THBS2: variants seen among roughly 807,000 people sequenced by gnomAD.
The protein encoded by THBS2 is thrombospondin-2.
Under a neutral mutation model 135.2 loss-of-function variants are expected in THBS2, and 47 were observed. That is an observed-to-expected ratio of 0.35 (90% CI 0.28 to 0.44). The LOEUF is 0.44. Among genes scored for constraint, THBS2 ranks in the 20% least tolerant of loss-of-function variants. The pLI, the probability that THBS2 is intolerant of heterozygous loss-of-function variation, is 1.00. For missense variants in THBS2, 1,288 were observed against 1,603.1 expected, an observed-to-expected ratio of 0.80 and a Z score of 3.36; for synonymous variants, 639 against 633.8, an observed-to-expected ratio of 1.01 and a Z score of -0.12.
Position 169,228,106 on chromosome 6 carries a change from G to C in THBS2, c.2419+16C>G. Reference sequence around the variant, plus strand: ...AAAAAAAAAGTGCACGCATGGGAAGGAGCAGAAGCACCCACCGTCCCCATC... The same window carrying C: ...AAAAAAAAAGTGCACGCATGGGAAGCAGCAGAAGCACCCACCGTCCCCATC... On this transcript the variant is annotated intron_variant, in intron 15 of 21. Transcript: ENST00000617924. The C allele has an allele frequency of 6.2e-7, 1 of 1,600,136 alleles. No homozygotes were observed. Among genetic ancestry groups the C allele is most frequent in the Non-Finnish European group, 8.5e-7 (1 of 1,175,096 alleles).
At chr6:169,222,602 C>T (rs752485087) in intron 18 of THBS2, 134 bp from the exon 19 acceptor site, 196 of 969,102 alleles carry the variant, frequency 2.0e-4, no homozygotes, top group Non-Finnish European at 2.8e-4. Flanking sequence ...CGAGACTGGT[C>T]TGACCAATAT....
intron 10 of THBS2, 96 bp downstream of exon 10, chr6:169,234,638 T>C: frequency 7.9e-7 from 1 of 1,262,368 alleles, no homozygotes; most frequent in Non-Finnish European, 1.1e-6. Context: ...TTGATTTTTC[T>C]TTTCTGTGTT....
rs1780251465 is a variant in THBS2, at chr6:169,240,513, C to T, written c.971G>A (p.Gly324Asp). 2 of 1,613,906 alleles carry T rather than the reference C, an allele frequency of 1.2e-6. No individual in the cohort carries two copies. The highest frequency in any genetic ancestry group is 2.2e-5 in the East Asian group (1 of 44,892). Residue 324 changes from glycine to aspartate, a missense_variant, in exon 6 of 22, where the codon GGC becomes GAC. Physicochemically the swap from Gly to Asp is moderately conservative, Grantham distance 94. Transcript: ENST00000617924. ...TRNMSACWQD[G>D]RFFAENETWV... Reference sequence around the variant, plus strand: ...CGTTTCATTTTCCGCAAAGAACCGGCCATCCTGCCAGCAAGCTGACATGTT... The same window carrying T: ...CGTTTCATTTTCCGCAAAGAACCGGTCATCCTGCCAGCAAGCTGACATGTT...
chr6:169,237,511 G>A, intron 8 of THBS2, 114 bp downstream of exon 8: 2 of 1,535,364 alleles, frequency 1.3e-6, no homozygotes, highest in Non-Finnish European at 1.8e-6. Context: ...TAGAATCCTT[G>A]CAAAGGCCCA....
intron 4 of THBS2, 79 bp downstream of exon 4, chr6:169,246,116 TAC>T (rs1181163939): frequency 2.7e-3 from 3,072 of 1,122,622 alleles, no homozygotes; most frequent in Non-Finnish European, 3.2e-3. Flanking sequence ...TGCACACACA[TAC>T]ACACACACAC....
chr6:169,229,473 G>T, intron 14 of THBS2, 99 bp downstream of exon 14: 1 of 879,154 alleles, frequency 1.1e-6, no homozygotes, highest in Non-Finnish European at 1.9e-6. Flanking sequence ...CAGGACAATG[G>T]CAGTTACGTT....
At chr6:169,235,016 C>A (rs1053885373) in intron 9 of THBS2, 109 bp from the exon 10 acceptor site, 5 of 1,123,098 alleles carry the variant, frequency 4.5e-6, no homozygotes, top group Non-Finnish European at 6.2e-6. Flanking sequence ...CCCTACACAG[C>A]CCCACAAACT....
intron 6 of THBS2, 127 bp from the exon 7 acceptor site, chr6:169,239,822 G>A: frequency 4.2e-6 from 3 of 717,434 alleles, no homozygotes; most frequent in Non-Finnish European, 6.9e-6. Flanking sequence ...ATACATTACA[G>A]AGATGTGAAA....
chr6:169,234,974 G>A, intron 9 of THBS2, 67 bp from the exon 10 acceptor site: 2 of 1,495,552 alleles, frequency 1.3e-6, no homozygotes, highest in Admixed American at 1.9e-5. Context: ...AGTTGGCTGA[G>A]TGAGAGGGAA....
chr6:169,224,194 C>T (rs528354577), intron 17 of THBS2, among the ~76,000 whole-genome samples: 3 of 152,338 alleles, frequency 2.0e-5, no homozygotes, highest in African/African-American at 4.8e-5. Context: ...AACTAGTTTC[C>T]GTTCTGTTCA....
rs766281866 is a variant in THBS2, at chr6:169,221,446, T to C, written c.3355A>G (p.Lys1119Glu). ...TGCCCTCACCTGATGTAGCCAGTCTTGGGCCTGTGAGTCAGGTGCCACCTA... is the reference window on the plus strand; with the variant it reads ...TGCCCTCACCTGATGTAGCCAGTCTCGGGCCTGTGAGTCAGGTGCCACCTA... ...AYRWHLTHRP[K>E]TGYIRVLVHE... Residue 1119 changes from lysine to glutamate, a missense_variant, in exon 20 of 22, where the codon AAG becomes GAG. Coordinates refer to ENST00000617924, the MANE Select transcript of THBS2 (RefSeq NM_003247.5). 24 of 1,613,904 alleles carry C rather than the reference T, an allele frequency of 1.5e-5. No individual in the cohort carries two copies. Among genetic ancestry groups the C allele is most frequent in the Non-Finnish European group, 1.8e-5 (21 of 1,180,028 alleles).
intron 16 of THBS2, among the ~76,000 whole-genome samples, chr6:169,225,637 T>G (rs1779601799): frequency 6.6e-6 from 1 of 152,250 alleles, no homozygotes; most frequent in Admixed American, 6.5e-5. Flanking sequence ...AAGATGTGCT[T>G]CTTCGCTGGA....
intron 12 of THBS2, 43 bp from the exon 13 acceptor site, chr6:169,232,241 T>G: frequency 6.2e-7 from 1 of 1,605,334 alleles, no homozygotes; most frequent in Non-Finnish European, 8.5e-7. Context: ...GGCAGGACGA[T>G]GGCTCCGGAG....
rs1321221499 is a variant in THBS2, at chr6:169,216,285, T to TAAC, written c.*1534_*1536dup. ...TTTGGCATAGAAATGTGATGACTAT[T>TAAC]AACAGAAAGGGGAAAAAGATTTGCC... On this transcript the variant is annotated 3_prime_UTR_variant, in exon 22 of 22. Coordinates refer to ENST00000617924, the MANE Select transcript of THBS2 (RefSeq NM_003247.5). The TAAC allele has an allele frequency of 6.6e-6, 1 of 152,218 alleles. No homozygotes were observed. Among genetic ancestry groups the TAAC allele is most frequent in the Non-Finnish European group, 1.5e-5 (1 of 68,040 alleles). 9.4% of individuals were successfully genotyped at this position (152,218 alleles called of 1,614,324 possible). A position where few individuals can be genotyped will look rare whatever the true frequency, so the allele number is the denominator to read the frequency against.
At chr6:169,236,063 T>C (rs1187136711) in intron 9 of THBS2, among the ~76,000 whole-genome samples, 1 of 68,762 alleles carries the variant, frequency 1.5e-5, no homozygotes, top group Non-Finnish European at 2.7e-5. Context: ...TCACTCCCCA[T>C]CCACACTCAC....
Position 169,241,648 on chromosome 6 carries a change from T to C in THBS2, c.891+114A>G. 8.9e-7 allele frequency: 1 copy of C among 1,123,304 alleles called. No individual in the cohort carries two copies. The highest frequency in any genetic ancestry group is 1.3e-6 in the Non-Finnish European group (1 of 789,046). 69.6% of individuals were successfully genotyped at this position (1,123,304 alleles called of 1,614,324 possible). A position where few individuals can be genotyped will look rare whatever the true frequency, so the allele number is the denominator to read the frequency against. On this transcript the variant is annotated intron_variant, in intron 5 of 21. Transcript: ENST00000617924. This position sits in a 1 kb window ranked among gnomAD's most constrained non-coding sequence, Gnocchi z 5.5. ...CACCTCCCCTGTGAACTGTGGGTTT[T>C]TACATCGAGCATGAGGCACTGCCAA...
chr6:169,251,046 A>G (rs57924990), intron 1 of THBS2, among the ~76,000 whole-genome samples: 8,950 of 152,224 alleles, frequency 0.059, 460 homozygotes, highest in East Asian at 0.15. Flanking sequence ...TCACGTTCTA[A>G]ATATTCCTAT....
chr6:169,242,645 CCCACCA>C (rs1780363813), intron 4 of THBS2, among the ~76,000 whole-genome samples: 3 of 94,986 alleles, frequency 3.2e-5, no homozygotes, highest in Non-Finnish European at 4.7e-5. Context: ...CTCCCACCTT[CCCACCA>C]CTCCCACCTT....
chr6:169,227,215 G>A (rs529983530), intron 15 of THBS2, among the ~76,000 whole-genome samples: 22 of 152,304 alleles, frequency 1.4e-4, no homozygotes, highest in African/African-American at 5.1e-4. Context: ...CCCACGAGGC[G>A]AAGTGTGGAG....
Sources: allele counts gnomAD v4.1 joint callset (sites outside exome capture counted in the v4.1 genomes callset), GRCh38; gene constraint gnomAD v4.1.1; non-coding constraint Gnocchi (gnomAD v3.1); transcripts MANE v1.5; gene names NCBI Gene and HGNC (gene_info 2026-07-23, HGNC 2026-07-21).